DAB1: variants seen among roughly 807,000 people sequenced by gnomAD.
The protein encoded by DAB1 is disabled homolog 1.
DAB1 carries 15 observed loss-of-function variants against 64.6 expected under a neutral mutation model. The ratio of observed to expected loss-of-function variants is 0.23; its 90% CI spans 0.16 to 0.36. The LOEUF is 0.36. Among genes scored for constraint, DAB1 ranks in the 10% least tolerant of loss-of-function variants. The probability of loss-of-function intolerance (pLI) is 1.00; values close to 1 mark genes in which losing one functional copy is unlikely to be tolerated. For synonymous variants in DAB1, 235 were observed against 251.9 expected, an observed-to-expected ratio of 0.93 and a Z score of 0.64; for missense variants, 596 against 706.7, an observed-to-expected ratio of 0.84 and a Z score of 1.78.
At chr1:58,498,081 C>G (rs553360993) in intron 3 of DAB1, among the ~76,000 whole-genome samples, 23 of 152,152 alleles carry the variant, frequency 1.5e-4, no homozygotes, top group Non-Finnish European at 2.5e-4. Context: ...TATCAAAATA[C>G]TTCTGAGAAA....
chr1:58,343,191 G>GT (rs1211260414), intron 4 of DAB1, among the ~76,000 whole-genome samples: 20 of 151,928 alleles, frequency 1.3e-4, no homozygotes, highest in African/African-American at 4.4e-4. Flanking sequence ...AGCTGCTAGA[G>GT]TTTTCTCTAC....
intron 3 of DAB1, among the ~76,000 whole-genome samples, chr1:58,461,497 C>G (rs188470375): frequency 0.017 from 2,628 of 152,294 alleles, 87 homozygotes; most frequent in African/African-American, 0.06. Flanking sequence ...CGGGCCAGTG[C>G]TACTCAGGGA....
chr1:58,457,839 A>G (rs697587), intron 3 of DAB1, among the ~76,000 whole-genome samples: 132,699 of 152,202 alleles, frequency 0.87, 58,575 homozygotes, highest in African/African-American at 0.94. Context: ...CTTCAGGAGA[A>G]CATAATTGGC....
At chr1:57,603,661 A>C (rs1332288588) in intron 7 of DAB1, among the ~76,000 whole-genome samples, 1 of 152,164 alleles carries the variant, frequency 6.6e-6, no homozygotes, top group Non-Finnish European at 1.5e-5. Context: ...ATTTTGTATC[A>C]GTTTCTGAAG....
At chr1:58,104,604 T>C (rs1230580896) in intron 5 of DAB1, among the ~76,000 whole-genome samples, 3 of 152,198 alleles carry the variant, frequency 2.0e-5, no homozygotes, top group Non-Finnish European at 4.4e-5. Flanking sequence ...CACTCTCAGC[T>C]AAACCCCCAT....
intron 7 of DAB1, among the ~76,000 whole-genome samples, chr1:57,543,342 T>C (rs142378624): frequency 6.6e-6 from 1 of 152,290 alleles, no homozygotes; most frequent in African/African-American, 2.4e-5. Flanking sequence ...TTCCCCTATG[T>C]CATGCTGTTT....
In DAB1 at chr1:58,372,606, T is replaced by G. The variant is rs574719068; in HGVS notation, n.258-29203A>C. 3.3e-4 allele frequency among the ~76,000 whole-genome samples: 51 copies of G among 152,278 alleles called. 1 individual carries two copies. In the South Asian group the frequency reaches 0.011, roughly 32 times the overall value. On this transcript the variant is annotated intron_variant and non_coding_transcript_variant, in intron 3 of 20. Transcript: ENST00000485760. ...TTGGAAGAAGCCAGGAGAAGAATAA[T>G]ATGGTTTGTCTCTATCTCTCCACCC...
At chr1:57,202,863 TC>T (rs2100282190) in intron 2 of DAB1, among the ~76,000 whole-genome samples, 1 of 152,346 alleles carries the variant, frequency 6.6e-6, no homozygotes, top group South Asian at 2.1e-4. Flanking sequence ...TCTGAACTTA[TC>T]CCCTCTTCAC....
chr1:58,277,044 T>C lies in DAB1; in HGVS notation n.309+66308A>G, dbSNP rs185026259. ...TGCAGAGACTTTTTTTTTCTTTTTT[T>C]TTTTTTTTTTTTTGAGACAGAGTCT... On this transcript the variant is annotated intron_variant and non_coding_transcript_variant, in intron 4 of 20. Transcript: ENST00000485760. Among the ~76,000 whole-genome samples the C allele has an allele frequency of 6.7e-3, 964 of 143,600 alleles. 8 individuals carry two copies. The highest frequency in any genetic ancestry group is 0.024 in the African/African-American group (914 of 38,740). 94.2% of individuals were successfully genotyped at this position (143,600 alleles called of 152,430 possible).
At position 57,702,803 on chromosome 1, in the gene DAB1, A is replaced by G. The variant is rs189687729; in HGVS notation, n.552-53138T>C. 4.9e-4 allele frequency among the ~76,000 whole-genome samples: 75 copies of G among 152,294 alleles called. 1 individual carries two copies. The East Asian group carries it at 0.012, about 25-fold the overall frequency. On this transcript the variant is annotated intron_variant and non_coding_transcript_variant, in intron 6 of 20. Coordinates refer to the DAB1 transcript ENST00000485760. Reference sequence around the variant, plus strand: ...AGACTTCAAACTATACCACAGGGCTATAGTAACCAAACAGCATGGTACTGG... The same window carrying G: ...AGACTTCAAACTATACCACAGGGCTGTAGTAACCAAACAGCATGGTACTGG...
chr1:57,991,219 T>G (rs1202326876), intron 5 of DAB1, among the ~76,000 whole-genome samples: 1 of 152,218 alleles, frequency 6.6e-6, no homozygotes, highest in Non-Finnish European at 1.5e-5. Context: ...CAGAGGCTAT[T>G]AATAAAACAT....
intron 3 of DAB1, among the ~76,000 whole-genome samples, chr1:58,473,343 C>A (rs1645382471): frequency 6.6e-6 from 1 of 151,472 alleles, no homozygotes; most frequent in African/African-American, 2.4e-5. Context: ...GAGATCGAGA[C>A]CATCCTGGCT....
intron 2 of DAB1, among the ~76,000 whole-genome samples, chr1:57,260,891 A>G (rs1369133821): frequency 6.6e-6 from 1 of 152,148 alleles, no homozygotes; most frequent in Admixed American, 6.5e-5. Flanking sequence ...TGGTTAAAAG[A>G]GCTAACTCTG....
intron 5 of DAB1, among the ~76,000 whole-genome samples, chr1:57,981,459 T>C (rs1646064198): frequency 6.6e-6 from 1 of 152,114 alleles, no homozygotes; most frequent in African/African-American, 2.4e-5. Context: ...AAATTAATGA[T>C]CAGTGAAAAG....
intron 4 of DAB1, among the ~76,000 whole-genome samples, chr1:58,220,059 T>G (rs1659076405): frequency 6.6e-6 from 1 of 152,240 alleles, no homozygotes; most frequent in South Asian, 2.1e-4. Flanking sequence ...GCCTGACCAG[T>G]AAAAAGGTTT....
In DAB1 at chr1:57,772,040, G is replaced by A. The variant is rs151224487; in HGVS notation, n.551+111959C>T. ...ATGTGTCCCCCAAAAAGACTGCATTGGAAACTTAATCCCTAGTGCAACACT... is the reference window on the plus strand; with the variant it reads ...ATGTGTCCCCCAAAAAGACTGCATTAGAAACTTAATCCCTAGTGCAACACT... On this transcript the variant is annotated intron_variant and non_coding_transcript_variant, in intron 6 of 20. Transcript: ENST00000485760. Among the ~76,000 whole-genome samples the A allele has an allele frequency of 2.7e-3, 404 of 152,162 alleles. 3 individuals carry two copies. The highest frequency in any genetic ancestry group is 9.3e-3 in the African/African-American group (388 of 41,520).
At chr1:57,533,295 A>G (rs1432410419) in intron 7 of DAB1, among the ~76,000 whole-genome samples, 2 of 151,874 alleles carry the variant, frequency 1.3e-5, no homozygotes, top group African/African-American at 2.4e-5. Flanking sequence ...CACTTTCACT[A>G]TGCTTCTCAC....
chr1:58,347,416 A>G (rs995470838), intron 3 of DAB1, among the ~76,000 whole-genome samples: 1 of 152,164 alleles, frequency 6.6e-6, no homozygotes, highest in Admixed American at 6.5e-5. Flanking sequence ...GATGGTTTTA[A>G]TGAATAGGGT....
At chr1:57,371,508 T>C (rs1229285289) in intron 1 of DAB1, among the ~76,000 whole-genome samples, 1 of 152,222 alleles carries the variant, frequency 6.6e-6, no homozygotes, top group African/African-American at 2.4e-5. Context: ...TATTTATATA[T>C]ACATTTATGG....
Sources: gnomAD v4.1 joint callset for allele counts (sites outside exome capture counted in the v4.1 genomes callset) on GRCh38, gnomAD v4.1.1 for gene constraint, MANE v1.5 for transcripts, NCBI Gene and HGNC (gene_info 2026-07-23, HGNC 2026-07-21) for gene names.